EPS15: variants seen among roughly 807,000 people sequenced by gnomAD.
EPS15 encodes the protein epidermal growth factor receptor substrate 15.
Under a neutral mutation model 113.8 loss-of-function variants are expected in EPS15, and 72 were observed. The ratio of observed to expected loss-of-function variants is 0.63; its 90% CI spans 0.52 to 0.77. The LOEUF (loss-of-function observed/expected upper bound fraction) is 0.77, where lower values mean the gene tolerates loss of function less well. Among genes scored for constraint, EPS15 ranks in the 30% least tolerant of loss-of-function variants. The pLI is 0.00. For missense variants in EPS15, 1,048 were observed against 1,045.8 expected, an observed-to-expected ratio of 1.00 and a Z score of -0.03; for synonymous variants, 344 against 363.4, an observed-to-expected ratio of 0.95 and a Z score of 0.61.
chr1:51,477,629 G>A (rs1333010733), intron 2 of EPS15, among the ~76,000 whole-genome samples: 1 of 152,010 alleles, frequency 6.6e-6, no homozygotes, highest in Non-Finnish European at 1.5e-5. Context: ...CTTTGAATGT[G>A]TCCCAGAGGT....
intron 10 of EPS15, among the ~76,000 whole-genome samples, chr1:51,446,633 T>A (rs955500770): frequency 4.6e-5 from 7 of 152,124 alleles, no homozygotes; most frequent in African/African-American, 1.7e-4. Context: ...TTTTGTGTTT[T>A]TAGTAGAGAC....
intron 2 of EPS15, among the ~76,000 whole-genome samples, chr1:51,477,903 T>C (rs1239203727): frequency 6.6e-6 from 1 of 152,156 alleles, no homozygotes; most frequent in East Asian, 1.9e-4. Flanking sequence ...ATAGGTGTGG[T>C]GTGGTGCTGA....
chr1:51,430,977 T>TACACACACACAC (rs67920039), intron 12 of EPS15, among the ~76,000 whole-genome samples: 11 of 122,028 alleles, frequency 9.0e-5, no homozygotes, highest in Admixed American at 2.5e-4. Context: ...ATTACTTACA[T>TACACACACACAC]ACACACACAC....
intron 21 of EPS15, among the ~76,000 whole-genome samples, chr1:51,386,398 G>C (rs1285392940): frequency 2.0e-5 from 3 of 152,206 alleles, no homozygotes; most frequent in Non-Finnish European, 4.4e-5. Context: ...AGAGTGGCCT[G>C]AATAAGCTTC....
At chr1:51,481,229 CA>C in intron 2 of EPS15, 43 bp downstream of exon 2, 1 of 966,582 alleles carries the variant, frequency 1.0e-6, no homozygotes, top group Non-Finnish European at 1.7e-6. Flanking sequence ...GTTGACAGTA[CA>C]TTTAATGTTC....
chr1:51,392,201 T>G (rs1179583981), intron 21 of EPS15, among the ~76,000 whole-genome samples: 1 of 152,232 alleles, frequency 6.6e-6, no homozygotes, highest in African/African-American at 2.4e-5. Flanking sequence ...TGGATACATC[T>G]AATACTACTA....
intron 6 of EPS15, among the ~76,000 whole-genome samples, chr1:51,464,912 GAATT>G (rs1365904871): frequency 6.6e-6 from 1 of 152,156 alleles, no homozygotes; most frequent in Non-Finnish European, 1.5e-5. Flanking sequence ...ATTTCATAAA[GAATT>G]GTTTGTTTTA....
intron 1 of EPS15, among the ~76,000 whole-genome samples, chr1:51,493,579 A>AAAT (rs1644278722): frequency 7.1e-6 from 1 of 140,908 alleles, no homozygotes; most frequent in Non-Finnish European, 1.5e-5. Context: ...TAAATAAATA[A>AAAT]AAATAAAGCT....
At chr1:51,370,479 TTAG>T (rs1646620306) in intron 21 of EPS15, among the ~76,000 whole-genome samples, 1 of 152,178 alleles carries the variant, frequency 6.6e-6, no homozygotes. Flanking sequence ...TCAAAAAGGT[TTAG>T]ATTTTCAAAT....
intron 21 of EPS15, among the ~76,000 whole-genome samples, chr1:51,391,155 T>C (rs1348790180): frequency 6.6e-6 from 1 of 152,158 alleles, no homozygotes; most frequent in East Asian, 1.9e-4. Context: ...TGAGTTCATG[T>C]CCTTTGTAGG....
intron 1 of EPS15, among the ~76,000 whole-genome samples, chr1:51,504,793 C>T (rs917189157): frequency 6.6e-6 from 1 of 152,194 alleles, no homozygotes; most frequent in African/African-American, 2.4e-5. Context: ...TCCCGGTACA[C>T]TGCTGGTACA....
At chr1:51,374,353 A>G (rs1306392778) in intron 21 of EPS15, among the ~76,000 whole-genome samples, 1 of 152,240 alleles carries the variant, frequency 6.6e-6, no homozygotes, top group Non-Finnish European at 1.5e-5. Flanking sequence ...ACGGTTGCTC[A>G]TGCCTGTAAT....
At chr1:51,460,124 G>A (rs551584115) in intron 8 of EPS15, among the ~76,000 whole-genome samples, 4 of 152,276 alleles carry the variant, frequency 2.6e-5, no homozygotes, top group African/African-American at 9.6e-5. Flanking sequence ...GACTTGGAGT[G>A]AGTAAAGAGA....
chr1:51,518,559 G>A, intron 1 of EPS15: 1 of 152,940 alleles, frequency 6.5e-6, no homozygotes, highest in Non-Finnish European at 1.5e-5. Flanking sequence ...GCTGAACGGA[G>A]GAAGGGGCCG....
At chr1:51,399,720 G>A (rs1046510141) in intron 19 of EPS15, among the ~76,000 whole-genome samples, 4 of 151,314 alleles carry the variant, frequency 2.6e-5, no homozygotes, top group African/African-American at 7.3e-5. Context: ...TTAGCCAGGC[G>A]TGGTGGTGCG....
intron 24 of EPS15, among the ~76,000 whole-genome samples, chr1:51,359,772 T>C (rs1646338671): frequency 6.6e-6 from 1 of 151,766 alleles, no homozygotes; most frequent in East Asian, 1.9e-4. Flanking sequence ...AAAATCAGTA[T>C]AATTCTGGCA....
intron 14 of EPS15, 152 bp from the exon 15 acceptor site, chr1:51,408,484 A>G (rs1442015580): frequency 7.9e-6 from 5 of 636,860 alleles, no homozygotes; most frequent in South Asian, 4.0e-5. Flanking sequence ...TTAATTTTTG[A>G]GAGAGAGAGT....
intron 11 of EPS15, 47 bp downstream of exon 11, chr1:51,444,842 G>A: frequency 6.5e-7 from 1 of 1,540,000 alleles, no homozygotes; most frequent in South Asian, 1.2e-5. Flanking sequence ...ACATAGTATT[G>A]TTCCTTTGAA....
At chr1:51,512,843 C>CTTT (rs59750666) in intron 1 of EPS15, among the ~76,000 whole-genome samples, 28 of 118,674 alleles carry the variant, frequency 2.4e-4, no homozygotes, top group Admixed American at 3.5e-4. Flanking sequence ...TGAGCAATAT[C>CTTT]TTTTTTTTTT....
Sources: allele counts gnomAD v4.1 joint callset (sites outside exome capture counted in the v4.1 genomes callset), GRCh38; gene constraint gnomAD v4.1.1; transcripts MANE v1.5; gene names NCBI Gene and HGNC (gene_info 2026-07-23, HGNC 2026-07-21).